The following NME9 variants were observed in gnomAD, a reference collection of about 807,000 sequenced individuals.
NME9 encodes thioredoxin domain-containing protein 6.
A neutral mutation model predicts 44.4 loss-of-function variants in NME9; 48 were observed. The observed-to-expected ratio is 1.08, with a 90% CI of 0.86 to 1.37. The LOEUF (loss-of-function observed/expected upper bound fraction) is 1.37. Among genes scored for constraint, NME9 ranks in the 40% most tolerant of loss-of-function variants. The probability of loss-of-function intolerance (pLI) is 0.00; values close to 1 mark genes in which losing one functional copy is unlikely to be tolerated. For missense variants in NME9, 325 were observed against 405.2 expected (o/e 0.80, Z 1.70); for synonymous variants, 139 against 147.1 (o/e 0.94, Z 0.40).
At chr3:138,262,320 G>A in exon 9 of NME9, 1 of 546,578 alleles carries the variant, frequency 1.8e-6, no homozygotes, top group Non-Finnish European at 3.2e-6. Context: ...TCTAGGGCGA[G>A]GAGTAGATCA....
chr3:138,289,268 G>A, intron 8 of NME9: 2 of 638,284 alleles, frequency 3.1e-6, no homozygotes, highest in Non-Finnish European at 5.5e-6. Flanking sequence ...CCTGGTATGA[G>A]AATCAGTGGA....
At chr3:138,300,354 G>GCACC (rs1457546560), downstream of NME9, among the ~76,000 whole-genome samples, 3 of 152,192 alleles carry the variant, frequency 2.0e-5, no homozygotes, top group African/African-American at 7.2e-5. Context: ...GAAGTGTGAT[G>GCACC]CACCCACGAA....
chr3:138,270,107 G>A (rs2108294310), intron 8 of NME9: 2 of 1,612,960 alleles, frequency 1.2e-6, no homozygotes, highest in Non-Finnish European at 1.7e-6. Flanking sequence ...CCTGCTTTAC[G>A]AGTGAATGGA....
intron 6 of NME9, among the ~76,000 whole-genome samples, chr3:138,309,911 C>A (rs568064384): frequency 3.2e-4 from 48 of 151,912 alleles, no homozygotes; most frequent in African/African-American, 1.2e-3. Context: ...CCTGTAATCC[C>A]AGCTAATTGG....
intron 8 of NME9, among the ~76,000 whole-genome samples, chr3:138,265,685 A>T (rs1213279404): frequency 6.6e-6 from 1 of 152,214 alleles, no homozygotes; most frequent in Admixed American, 6.5e-5. Flanking sequence ...TATGTATGGT[A>T]TGTGTAGGGA....
intron 8 of NME9, among the ~76,000 whole-genome samples, chr3:138,285,334 G>A (rs1415247247): frequency 6.6e-6 from 1 of 152,140 alleles, no homozygotes; most frequent in African/African-American, 2.4e-5. Flanking sequence ...GTGGCTCCTT[G>A]TTATACCTTG....
At chr3:138,294,839 A>G (rs1347009752) in intron 8 of NME9, among the ~76,000 whole-genome samples, 1 of 151,788 alleles carries the variant, frequency 6.6e-6, no homozygotes, top group Admixed American at 6.6e-5. Flanking sequence ...ATCAGGATAG[A>G]TTAAGTCACT....
chr3:138,309,261 T>TGCACG (rs904894457), intron 6 of NME9, among the ~76,000 whole-genome samples: 1 of 149,538 alleles, frequency 6.7e-6, no homozygotes, highest in African/African-American at 2.5e-5. Flanking sequence ...ATTGTGCCAC[T>TGCACG]GCACTTCAGC....
intron 8 of NME9, among the ~76,000 whole-genome samples, chr3:138,267,840 A>G (rs1345040736): frequency 6.6e-6 from 1 of 152,214 alleles, no homozygotes; most frequent in East Asian, 1.9e-4. Context: ...CTGCCCAATT[A>G]TGAACTCAGG....
chr3:138,296,253 C>T (rs1223359317), downstream of NME9: 9 of 181,880 alleles, frequency 4.9e-5, no homozygotes, highest in African/African-American at 4.7e-5. Flanking sequence ...TGTATGTGCA[C>T]GTACATGGGC....
intron 8 of NME9, among the ~76,000 whole-genome samples, chr3:138,268,789 T>TAA (rs200483217): frequency 2.0e-5 from 3 of 148,606 alleles, no homozygotes; most frequent in Non-Finnish European, 3.0e-5. Context: ...AAATTAAAAT[T>TAA]AAAAAAAAAA....
At chr3:138,273,821 C>CTT (rs764799623) in intron 8 of NME9, among the ~76,000 whole-genome samples, 5 of 145,220 alleles carry the variant, frequency 3.4e-5, no homozygotes, top group Non-Finnish European at 4.6e-5. Context: ...ATGCTTCCCC[C>CTT]TTTTTTTTTT....
intron 8 of NME9, among the ~76,000 whole-genome samples, chr3:138,286,650 T>C (rs1438250569): frequency 2.6e-5 from 4 of 152,224 alleles, no homozygotes; most frequent in Non-Finnish European, 5.9e-5. Flanking sequence ...AAGATTCTTA[T>C]TTAATAGATC....
At chr3:138,283,536 GT>G (rs1412952829) in intron 8 of NME9, among the ~76,000 whole-genome samples, 3 of 151,362 alleles carry the variant, frequency 2.0e-5, no homozygotes, top group East Asian at 1.9e-4. Flanking sequence ...CAGGGAGTGT[GT>G]TTTTTTTTCC....
chr3:138,287,455 C>A (rs1469287214), intron 8 of NME9, among the ~76,000 whole-genome samples: 1 of 152,126 alleles, frequency 6.6e-6, no homozygotes, highest in African/African-American at 2.4e-5. Flanking sequence ...CCCCTCCACC[C>A]TCCAATTTTC....
At chr3:138,316,904 T>C (rs752068601) in intron 4 of NME9, among the ~76,000 whole-genome samples, 20 of 152,166 alleles carry the variant, frequency 1.3e-4, no homozygotes, top group Non-Finnish European at 2.5e-4. Context: ...TGTGAGCCAC[T>C]GCACCCGGCC....
At chr3:138,271,798 C>CTTTCTTTTTTTTTTTTTTTT (rs1018824241) in intron 8 of NME9, among the ~76,000 whole-genome samples, 57 of 136,120 alleles carry the variant, frequency 4.2e-4, no homozygotes, top group African/African-American at 1.4e-3. Context: ...TTTTTTCTTT[C>CTTTCTTTTTTTTTTTTTTTT]TTTTTTTTTT....
intron 2 of NME9, among the ~76,000 whole-genome samples, chr3:138,322,867 A>G (rs996816346): frequency 2.6e-5 from 4 of 152,174 alleles, no homozygotes; most frequent in African/African-American, 9.6e-5. Context: ...TACATTCTCA[A>G]AAAATTAAGG....
chr3:138,328,374 T>C (rs2053923578), intron 1 of NME9, among the ~76,000 whole-genome samples: 1 of 41,912 alleles, frequency 2.4e-5, no homozygotes. Context: ...CAGCATGGGG[T>C]ACCCTTAGAA....
Sources: allele counts gnomAD v4.1 joint callset (sites outside exome capture counted in the v4.1 genomes callset), GRCh38; gene constraint gnomAD v4.1.1; transcripts MANE v1.5; gene names NCBI Gene and HGNC (gene_info 2026-07-23, HGNC 2026-07-21).